Variants in MEGF11 observed in about 807,000 individuals in gnomAD.
MEGF11 encodes multiple EGF like domains 11.
MEGF11 carries 126 observed loss-of-function variants against 146.6 expected under a neutral mutation model. That is an observed-to-expected ratio of 0.86 (90% CI 0.74 to 1.00). The LOEUF (loss-of-function observed/expected upper bound fraction) is 1.00. MEGF11 is among the 50% of genes least tolerant of loss of function. The probability of loss-of-function intolerance (pLI) is 0.00; values close to 1 mark genes in which losing one functional copy is unlikely to be tolerated. For missense variants in MEGF11, 1,509 were observed against 1,521.2 expected (o/e 0.99, Z 0.13); for synonymous variants, 532 against 583.4 (o/e 0.91, Z 1.27).
At chr15:65,954,272 G>T (rs1175094896) in intron 10 of MEGF11, among the ~76,000 whole-genome samples, 1 of 152,192 alleles carries the variant, frequency 6.6e-6, no homozygotes, top group African/African-American at 2.4e-5. Flanking sequence ...CAAAGGCATT[G>T]CTAATTATTA....
chr15:66,213,886 A>G lies in MEGF11; in HGVS notation c.-9+39719T>C, dbSNP rs543482303. 2.6e-5 allele frequency among the ~76,000 whole-genome samples: 4 copies of G among 152,252 alleles called. No homozygotes were observed. In the East Asian group the frequency reaches 5.8e-4, roughly 22 times the overall value. ...GCCTCCACCCAGGGCAACACTGCCA[A>G]TGACTATCCCCTGGAACTTTCAGAG... is the stretch of plus-strand genomic sequence containing the variant. On this transcript the variant is annotated intron_variant, in intron 1 of 25. Transcript: ENST00000395614.
At chr15:66,022,036 G>A (rs979367228) in intron 5 of MEGF11, among the ~76,000 whole-genome samples, 2 of 152,154 alleles carry the variant, frequency 1.3e-5, no homozygotes, top group Non-Finnish European at 2.9e-5. Context: ...GTGATGAGGA[G>A]GCTCTGTCTA....
chr15:66,091,212 C>T (rs1007851092), intron 5 of MEGF11, among the ~76,000 whole-genome samples: 10 of 152,120 alleles, frequency 6.6e-5, no homozygotes, highest in African/African-American at 2.4e-4. Flanking sequence ...CCACAAAGAC[C>T]CTAAGGCACT....
In MEGF11 at chr15:66,123,951, A is replaced by G; in HGVS notation, c.148T>C (p.Tyr50His). 1 of 1,614,016 alleles carries G rather than the reference A, an allele frequency of 6.2e-7. No homozygotes were observed. The highest frequency in any genetic ancestry group is 8.5e-7 in the Non-Finnish European group (1 of 1,179,878). Residue 50 changes from tyrosine (Y) to histidine (H), a missense_variant, in exon 3 of 26, where the codon TAT (tyrosine) becomes CAT (histidine). Physicochemically the swap from Tyr to His is moderately conservative, Grantham distance 83. Coordinates refer to ENST00000395614, the MANE Select transcript of MEGF11 (RefSeq NM_001385028.1). ...ESYAHPFDQI[Y>H]YTRCTDILNW... ...AGGATGTCTGTGCATCGTGTGTAAT[A>G]GATCTGATCGAAGGGGTGTGCATAC...
intron 4 of MEGF11, among the ~76,000 whole-genome samples, chr15:66,108,505 G>A (rs1451387468): frequency 1.3e-5 from 2 of 152,224 alleles, no homozygotes; most frequent in East Asian, 3.9e-4. Flanking sequence ...AACAGGCTAA[G>A]AGGGTATAGA....
Position 65,909,134 on chromosome 15 carries a change from G to A in MEGF11, c.2898C>T (p.Asp966=), listed in dbSNP as rs925526350. The change falls in exon 23 of 26, where the codon GAC becomes GAT. Residue 966 remains aspartate, a splice_region_variant and synonymous_variant. Transcript: ENST00000395614. ...CCAGGGCACTGATCTGGAAATGGGA[G>A]TCTAGTGAGAGGAATGACAGGGAGG... is the stretch of plus-strand genomic sequence containing the variant. ...WTPYSYVNVL[D]SHFQISALEA... The A allele has an allele frequency of 2.0e-6, 3 of 1,529,348 alleles. No individual in the cohort carries two copies. The highest frequency in any genetic ancestry group is 2.6e-6 in the Non-Finnish European group (3 of 1,140,904). The allele number at this position is 1,529,348 out of a possible 1,614,324, so 94.7% of individuals were successfully genotyped here.
intron 1 of MEGF11, among the ~76,000 whole-genome samples, chr15:66,224,828 G>A (rs1464135779): frequency 6.6e-6 from 1 of 151,380 alleles, no homozygotes; most frequent in East Asian, 1.9e-4. Context: ...CCAGATGGGG[G>A]AGTGAATCTC....
intron 5 of MEGF11, among the ~76,000 whole-genome samples, chr15:66,053,215 A>G (rs1403933358): frequency 1.3e-5 from 2 of 152,198 alleles, no homozygotes; most frequent in Non-Finnish European, 2.9e-5. Flanking sequence ...GAGCTTCCTT[A>G]AGGCAATGAT....
chr15:65,962,824 G>T (rs1245741557), intron 9 of MEGF11, among the ~76,000 whole-genome samples: 1 of 152,154 alleles, frequency 6.6e-6, no homozygotes, highest in Non-Finnish European at 1.5e-5. Flanking sequence ...CCAGGCTGGG[G>T]AGTAGACTGG....
chr15:65,937,409 C>G (rs1363050674), intron 10 of MEGF11, among the ~76,000 whole-genome samples: 1 of 152,252 alleles, frequency 6.6e-6, no homozygotes, highest in African/African-American at 2.4e-5. Flanking sequence ...AAATCACCAT[C>G]CGGAATTCCT....
chr15:65,982,116 T>G lies in MEGF11; in HGVS notation c.641+126A>C. The G allele has an allele frequency of 8.2e-7, 1 of 1,224,950 alleles. No homozygotes were observed. The highest frequency in any genetic ancestry group is 1.1e-6 in the Non-Finnish European group (1 of 925,584). 75.9% of individuals were successfully genotyped at this position (1,224,950 alleles called of 1,614,324 possible). A position where few individuals can be genotyped will look rare whatever the true frequency, so the allele number is the denominator to read the frequency against. The stretch of plus-strand genomic sequence containing the variant: ...AGGAGCCCAGGGCTGGGCGTGCAGC[T>G]GCGGTGAGGGCAGCCACTCCAGGCC... On this transcript the variant is annotated intron_variant, in intron 6 of 25. Transcript: ENST00000395614. This position sits in a 1 kb window ranked among gnomAD's most constrained non-coding sequence, Gnocchi z 5.6.
chr15:66,048,619 C>T (rs140143443), intron 5 of MEGF11, among the ~76,000 whole-genome samples: 49 of 152,296 alleles, frequency 3.2e-4, no homozygotes, highest in East Asian at 2.9e-3. Flanking sequence ...GGTCTGCAGA[C>T]GCCAAGTGCC....
intron 1 of MEGF11, among the ~76,000 whole-genome samples, chr15:66,235,687 C>CTCTAAACT (rs2092074433): frequency 6.6e-6 from 1 of 152,106 alleles, no homozygotes; most frequent in Admixed American, 6.5e-5. Flanking sequence ...CAGTGATGTT[C>CTCTAAACT]TCTAAACTCC....
chr15:66,086,511 C>A (rs926335356), intron 5 of MEGF11, among the ~76,000 whole-genome samples: 8 of 152,186 alleles, frequency 5.3e-5, no homozygotes, highest in African/African-American at 1.9e-4. Context: ...CATCTTCAGC[C>A]TCCTCAGACA....
At chr15:66,078,746 G>A (rs373177583) in intron 5 of MEGF11, among the ~76,000 whole-genome samples, 9 of 152,066 alleles carry the variant, frequency 5.9e-5, no homozygotes, top group South Asian at 2.1e-4. Context: ...CAGCACGTGC[G>A]ACAACGCCAG....
chr15:65,922,539 G>A, intron 14 of MEGF11, 67 bp from the exon 15 acceptor site: 1 of 1,475,548 alleles, frequency 6.8e-7, no homozygotes, highest in African/African-American at 1.4e-5. Context: ...TACCCTTCCT[G>A]TTCCACACTT....
chr15:66,142,983 T>C (rs563567373), intron 1 of MEGF11, among the ~76,000 whole-genome samples: 11 of 152,170 alleles, frequency 7.2e-5, no homozygotes, highest in Non-Finnish European at 1.2e-4. Flanking sequence ...GTCCTGCAGT[T>C]TGAAAGCCAA....
At chr15:66,049,846 T>C (rs1028956373) in intron 5 of MEGF11, among the ~76,000 whole-genome samples, 1 of 152,228 alleles carries the variant, frequency 6.6e-6, no homozygotes, top group Non-Finnish European at 1.5e-5. Flanking sequence ...CCAGAGCTGA[T>C]GGCGACTTCC....
Position 65,930,935 on chromosome 15 carries a change from G to C in MEGF11, c.1296C>G (p.Val432=). The C allele has an allele frequency of 6.3e-7, 1 of 1,590,910 alleles. No individual in the cohort carries two copies. Residue 432 remains valine (V), a synonymous_variant, in exon 11 of 26, where the codon GTC becomes GTG. Coordinates refer to ENST00000395614, the MANE Select transcript of MEGF11 (RefSeq NM_001385028.1). ...TCCCTGCTGCACAGGAAACGGCACA[G>C]ACCTCTCCCTGGAAAGGGAGGGGGT... ...CTCAPGFMGE[V]CAVSCAAGTY...
Sources: gnomAD v4.1 joint callset for allele counts (sites outside exome capture counted in the v4.1 genomes callset) on GRCh38, gnomAD v4.1.1 for gene constraint, Gnocchi (gnomAD v3.1) non-coding constraint, MANE v1.5 for transcripts, NCBI Gene and HGNC (gene_info 2026-07-23, HGNC 2026-07-21) for gene names.